The following RBM48 variants were observed in gnomAD, a reference collection of about 807,000 sequenced individuals.
RBM48 encodes the protein RNA binding motif protein 48.
In RBM48, 32 loss-of-function variants were observed where a neutral mutation model predicts 34.8. The ratio of observed to expected loss-of-function variants is 0.92; its 90% CI spans 0.69 to 1.23. RBM48 has a LOEUF of 1.23. Ranked by LOEUF, RBM48 falls within the 50% of genes most tolerant of loss-of-function variation. The pLI, the probability that RBM48 is intolerant of heterozygous loss-of-function variation, is 0.00. For synonymous variants in RBM48, 151 were observed against 156.2 expected, an observed-to-expected ratio of 0.97 and a Z score of 0.25; for missense variants, 441 against 447.2, an observed-to-expected ratio of 0.99 and a Z score of 0.12.
Position 92,539,615 on chromosome 7 carries a change from C to T in RBM48, c.*2678C>T, listed in dbSNP as rs923972648. Among the ~76,000 whole-genome samples the T allele has an allele frequency of 2.0e-5, 3 of 152,220 alleles. No homozygotes were observed. In the East Asian group the frequency reaches 5.8e-4, roughly 29 times the overall value. On this transcript the variant is annotated 3_prime_UTR_variant, in exon 5 of 5. Coordinates refer to ENST00000265732, the MANE Select transcript of RBM48 (RefSeq NM_032120.4). Reference sequence around the variant, plus strand: ...TCGGGAGGCTGAGGCATGAGAATTACTTGAACCCAGGAGGCAGAGATCGCA... The same window carrying T: ...TCGGGAGGCTGAGGCATGAGAATTATTTGAACCCAGGAGGCAGAGATCGCA...
chr7:92,537,769 T>A lies in RBM48; in HGVS notation c.*832T>A, dbSNP rs1023414417. The A allele has an allele frequency of 2.0e-5, 3 of 152,258 alleles. No individual in the cohort carries two copies. The highest frequency in any genetic ancestry group is 4.4e-5 in the Non-Finnish European group (3 of 68,040). The allele number at this position is 152,258 out of a possible 1,614,324, so 9.4% of individuals were successfully genotyped here. A position where few individuals can be genotyped will look rare whatever the true frequency, so the allele number is the denominator to read the frequency against. Reference sequence around the variant, plus strand: ...TTACTACTTCTGGCATATCCACACTTTTTTCTGTCAGTGGATTACATAATT... The same window carrying A: ...TTACTACTTCTGGCATATCCACACTATTTTCTGTCAGTGGATTACATAATT... On this transcript the variant is annotated 3_prime_UTR_variant, in exon 5 of 5. Coordinates refer to ENST00000265732, the MANE Select transcript of RBM48 (RefSeq NM_032120.4).
At chr7:92,536,748 TC>T (rs1402051687) in intron 4 of RBM48, 102 bp from the exon 5 acceptor site, 7 of 1,392,310 alleles carry the variant, frequency 5.0e-6, no homozygotes, top group Non-Finnish European at 5.6e-6. Flanking sequence ...GAAAGTGACA[TC>T]AAGGATTGAA....
At chr7:92,529,033 G>C in intron 1 of RBM48, 109 bp downstream of exon 1, 5 of 826,130 alleles carry the variant, frequency 6.1e-6, no homozygotes, top group Non-Finnish European at 1.0e-5. Context: ...CGTCAGATCT[G>C]TCTCTCGTTA....
intron 2 of RBM48, among the ~76,000 whole-genome samples, chr7:92,530,567 C>T (rs957879615): frequency 6.6e-6 from 1 of 151,814 alleles, no homozygotes; most frequent in Admixed American, 6.6e-5. Flanking sequence ...TTTGGGAGGT[C>T]GAGGTAGGTG....
intron 2 of RBM48, 98 bp downstream of exon 2, chr7:92,529,764 C>G (rs1793502342): frequency 1.4e-6 from 1 of 693,470 alleles, no homozygotes; most frequent in Non-Finnish European, 2.4e-6. Context: ...ACTGAATTAC[C>G]CCAAAACGTA....
rs186227850 is a variant in RBM48, at chr7:92,529,279, T to G, written c.112-197T>G. 6 of 584,940 alleles carry G rather than the reference T, an allele frequency of 1.0e-5. No individual in the cohort carries two copies. In the African/African-American group the frequency reaches 1.1e-4, roughly 11 times the overall value. 36.2% of individuals were successfully genotyped at this position (584,940 alleles called of 1,614,324 possible). On this transcript the variant is annotated intron_variant, in intron 1 of 4. Transcript: ENST00000265732. ...AATGTCGACTGAAGGTAGTCTGTTA[T>G]ATGCCTTAGGTAGCCTCTCACATGG...
chr7:92,537,044 C>T lies in RBM48; in HGVS notation c.*107C>T. 2.6e-6 allele frequency: 2 copies of T among 762,112 alleles called. No individual in the cohort carries two copies. Among genetic ancestry groups the T allele is most frequent in the Non-Finnish European group, 4.1e-6 (2 of 485,400 alleles). 47.2% of individuals were successfully genotyped at this position (762,112 alleles called of 1,614,324 possible). A position where few individuals can be genotyped will look rare whatever the true frequency, so the allele number is the denominator to read the frequency against. ...TTTACTGCTGGTATTTTTTAATGCACTCCTCTTTGTAATTTCATTCAAGCC... is the reference window on the plus strand; with the variant it reads ...TTTACTGCTGGTATTTTTTAATGCATTCCTCTTTGTAATTTCATTCAAGCC... On this transcript the variant is annotated 3_prime_UTR_variant, in exon 5 of 5. Coordinates refer to ENST00000265732, the MANE Select transcript of RBM48 (RefSeq NM_032120.4).
At position 92,538,456 on chromosome 7, in the gene RBM48, GAA is replaced by G. The variant is rs1233251747; in HGVS notation, c.*1521_*1522del. Among the ~76,000 whole-genome samples, 1 of 152,148 alleles carries G rather than the reference GAA, an allele frequency of 6.6e-6. No individual in the cohort carries two copies. The highest frequency in any genetic ancestry group is 1.5e-5 in the Non-Finnish European group (1 of 68,024). ...TCTTCAGAGATGGGAGACAGGAAGA[GAA>G]ATGGCCTCTCTCCTCACACTGATCC... is the stretch of plus-strand genomic sequence containing the variant. On this transcript the variant is annotated 3_prime_UTR_variant, in exon 5 of 5. Transcript: ENST00000265732.
intron 2 of RBM48, among the ~76,000 whole-genome samples, chr7:92,530,591 C>T (rs1323886380): frequency 6.6e-6 from 1 of 152,014 alleles, no homozygotes; most frequent in Non-Finnish European, 1.5e-5. Flanking sequence ...CACCTGAGGT[C>T]AGGAGTTCAA....
rs1793802806 is a variant in RBM48 at position 92,539,306 on chromosome 7, G to A, written c.*2369G>A. Among the ~76,000 whole-genome samples, 3 of 152,244 alleles carry A rather than the reference G, an allele frequency of 2.0e-5. No homozygotes were observed. The highest frequency in any genetic ancestry group is 4.1e-4 in the South Asian group (2 of 4,830). On this transcript the variant is annotated 3_prime_UTR_variant, in exon 5 of 5. Coordinates refer to ENST00000265732, the MANE Select transcript of RBM48 (RefSeq NM_032120.4). Reference sequence around the variant, plus strand: ...CACGTTTCCAGAAAGTTAAAATGCGGGGTAGAGGGAATAAACTACAGGGAG... The same window carrying A: ...CACGTTTCCAGAAAGTTAAAATGCGAGGTAGAGGGAATAAACTACAGGGAG...
intron 1 of RBM48, 27 bp from the exon 2 acceptor site, chr7:92,529,449 C>G (rs919568795): frequency 7.0e-6 from 10 of 1,423,802 alleles, no homozygotes; most frequent in Middle Eastern, 1.9e-4. Context: ...TTGCGAAATA[C>G]GTTTAATAAC....
At chr7:92,529,428 C>T (rs768379482) in intron 1 of RBM48, 48 bp from the exon 2 acceptor site, 3 of 1,186,112 alleles carry the variant, frequency 2.5e-6, no homozygotes, top group Admixed American at 2.2e-5. Flanking sequence ...GCAGATTCGT[C>T]CTAGGCTTAT....
Position 92,534,439 on chromosome 7 carries a change from T to G in RBM48, c.486T>G (p.His162Gln). Reference sequence around the variant, plus strand: ...CAAAGAAGAAATTGGTTACAGAGCATAAAGACACAGAGGATTTTAGACAAG... The same window carrying G: ...CAAAGAAGAAATTGGTTACAGAGCAGAAAGACACAGAGGATTTTAGACAAG... ...YVTKKKLVTE[H>Q]KDTEDFRQDF... Residue 162 changes from histidine to glutamine, a missense_variant, in exon 4 of 5, where the codon CAT (histidine) becomes CAG (glutamine). By Grantham distance (24) the His-to-Gln change is conservative. Coordinates refer to ENST00000265732, the MANE Select transcript of RBM48 (RefSeq NM_032120.4). 6.2e-7 allele frequency: 1 copy of G among 1,613,840 alleles called. No homozygotes were observed. The highest frequency in any genetic ancestry group is 1.1e-5 in the South Asian group (1 of 91,050).
At chr7:92,530,365 C>T (rs1255351357) in intron 2 of RBM48, among the ~76,000 whole-genome samples, 4 of 151,428 alleles carry the variant, frequency 2.6e-5, no homozygotes, top group African/African-American at 7.3e-5. Context: ...TGTGGTGGTG[C>T]GGACCTGTAG....
In RBM48 at chr7:92,540,431, A is replaced by T. The variant is rs1160142753; in HGVS notation, c.*3494A>T. 6.6e-6 allele frequency: 1 copy of T among 152,238 alleles called. No homozygotes were observed. The highest frequency in any genetic ancestry group is 1.5e-5 in the Non-Finnish European group (1 of 68,040). 9.4% of individuals were successfully genotyped at this position (152,238 alleles called of 1,614,324 possible). A position where few individuals can be genotyped will look rare whatever the true frequency, so the allele number is the denominator to read the frequency against. ...AATTTTGCATGGCAAATAGCTCTCT[A>T]GACTAAAAAAATTTTACCAAATAAA... On this transcript the variant is annotated 3_prime_UTR_variant, in exon 5 of 5. Transcript: ENST00000265732.
rs1793794899 is a variant in RBM48 at position 92,539,028 on chromosome 7, T to C, written c.*2091T>C. 6.6e-6 allele frequency among the ~76,000 whole-genome samples: 1 copy of C among 152,136 alleles called. No individual in the cohort carries two copies. The highest frequency in any genetic ancestry group is 1.5e-5 in the Non-Finnish European group (1 of 68,022). On this transcript the variant is annotated 3_prime_UTR_variant, in exon 5 of 5. Transcript: ENST00000265732. Reference sequence around the variant, plus strand: ...CAAAACAAAAAGATTCAAATTAAGTTGGTTTGGGTGGGGCCTGAGATTCTG... The same window carrying C: ...CAAAACAAAAAGATTCAAATTAAGTCGGTTTGGGTGGGGCCTGAGATTCTG...
intron 4 of RBM48, 99 bp from the exon 5 acceptor site, chr7:92,536,752 G>A (rs1380558979): frequency 1.4e-6 from 2 of 1,406,464 alleles, no homozygotes; most frequent in Non-Finnish European, 9.2e-7. Flanking sequence ...GTGACATCAA[G>A]GATTGAACTA....
rs1330137448 is a variant in RBM48 at position 92,539,188 on chromosome 7, C to A, written c.*2251C>A. 6.6e-6 allele frequency among the ~76,000 whole-genome samples: 1 copy of A among 152,200 alleles called. No individual in the cohort carries two copies. The highest frequency in any genetic ancestry group is 1.5e-5 in the Non-Finnish European group (1 of 68,038). On this transcript the variant is annotated 3_prime_UTR_variant, in exon 5 of 5. Coordinates refer to ENST00000265732, the MANE Select transcript of RBM48 (RefSeq NM_032120.4). ...GAACGGTTGGCTGTTCCATCCTAAG[C>A]AGTTACTCTGATCTAGTCCATTATG...
At position 92,534,541 on chromosome 7, in the gene RBM48, G is replaced by A. The variant is rs79531673; in HGVS notation, c.588G>A (p.Pro196=). The part of the protein sequence containing the change: ...TSAGNSNPYL[P]YSCELPLCYF... ...CAGGGAACTCAAATCCTTATCTTCC[G>A]TATTCCTGTGAATTGCCTTTATGTT... Residue 196 remains proline (P), a synonymous_variant, in exon 4 of 5, where the codon CCG becomes CCA. Coordinates refer to ENST00000265732, the MANE Select transcript of RBM48 (RefSeq NM_032120.4). 54,933 of 1,613,968 alleles carry A rather than the reference G, an allele frequency of 0.034. 1,070 individuals are homozygous for A. Among genetic ancestry groups the A allele is most frequent in the Middle Eastern group, 0.064 (387 of 6,062 alleles).
Sources: allele counts gnomAD v4.1 joint callset (sites outside exome capture counted in the v4.1 genomes callset), GRCh38; gene constraint gnomAD v4.1.1; transcripts MANE v1.5; gene names NCBI Gene and HGNC (gene_info 2026-07-23, HGNC 2026-07-21).